The following RBFOX1 variants were observed in gnomAD, a reference collection of about 807,000 sequenced individuals.
RBFOX1 encodes the protein RNA binding protein fox-1 homolog 1.
In RBFOX1, 8 loss-of-function variants were observed where a neutral mutation model predicts 57.7. That is an observed-to-expected ratio of 0.14 (90% CI 0.08 to 0.25). The LOEUF (loss-of-function observed/expected upper bound fraction) is 0.25. Among genes scored for constraint, RBFOX1 ranks in the 10% least tolerant of loss-of-function variants. The pLI is 1.00. For synonymous variants in RBFOX1, 326 were observed against 222.4 expected (o/e 1.47, Z -4.15); for missense variants, 611 against 548.5 (o/e 1.11, Z -1.14).
chr16:7,000,867 G>C (rs978065037), intron 3 of RBFOX1, among the ~76,000 whole-genome samples: 4 of 152,002 alleles, frequency 2.6e-5, no homozygotes, highest in African/African-American at 9.7e-5. Flanking sequence ...CTCCCAAAGT[G>C]CTGGGATTAC....
At chr16:5,640,855 A>C (rs570341847) in intron 3 of RBFOX1, among the ~76,000 whole-genome samples, 4 of 129,954 alleles carry the variant, frequency 3.1e-5, no homozygotes, top group African/African-American at 8.3e-5. Flanking sequence ...ACACACACAC[A>C]CCATGGATAC....
At chr16:6,878,630 G>T (rs1174222478) in intron 3 of RBFOX1, among the ~76,000 whole-genome samples, 1 of 152,158 alleles carries the variant, frequency 6.6e-6, no homozygotes, top group African/African-American at 2.4e-5. Context: ...TGTTGTCAAG[G>T]AAAGTCACTG....
At chr16:5,633,463 T>G (rs970160060) in intron 3 of RBFOX1, among the ~76,000 whole-genome samples, 2 of 152,220 alleles carry the variant, frequency 1.3e-5, no homozygotes, top group African/African-American at 4.8e-5. Flanking sequence ...AACGACTCTC[T>G]ACCCAATATG....
chr16:6,817,137 C>T (rs938585285), intron 3 of RBFOX1, among the ~76,000 whole-genome samples: 1 of 152,144 alleles, frequency 6.6e-6, no homozygotes, highest in African/African-American at 2.4e-5. Flanking sequence ...TTTGACATGG[C>T]TGCAACCTGC....
chr16:5,738,753 C>A (rs1309013789), intron 3 of RBFOX1, among the ~76,000 whole-genome samples: 1 of 151,776 alleles, frequency 6.6e-6, no homozygotes, highest in African/African-American at 2.4e-5. Flanking sequence ...AGTGGGGGTG[C>A]ACAGCATGTG....
chr16:5,468,344 C>A (rs1567132036), intron 2 of RBFOX1, among the ~76,000 whole-genome samples: 1 of 152,148 alleles, frequency 6.6e-6, no homozygotes, highest in African/African-American at 2.4e-5. Context: ...GCAGTCTCCC[C>A]TGTTGTTCTC....
At chr16:6,168,459 A>G (rs1207937513) in intron 1 of RBFOX1, among the ~76,000 whole-genome samples, 1 of 152,166 alleles carries the variant, frequency 6.6e-6, no homozygotes, top group Non-Finnish European at 1.5e-5. Context: ...TTATATGCAG[A>G]CTTCTGAACT....
chr16:6,364,936 C>A (rs544982788), intron 2 of RBFOX1, among the ~76,000 whole-genome samples: 2 of 152,116 alleles, frequency 1.3e-5, no homozygotes, highest in Admixed American at 6.5e-5. Context: ...CAATTCAGAG[C>A]GCCCTACTTC....
intron 1 of RBFOX1, among the ~76,000 whole-genome samples, chr16:5,344,233 T>G (rs1238075532): frequency 6.6e-6 from 1 of 152,206 alleles, no homozygotes; most frequent in African/African-American, 2.4e-5. Context: ...TTGCCCTAGG[T>G]TTGGGTTCTC....
intron 4 of RBFOX1, among the ~76,000 whole-genome samples, chr16:7,168,281 T>A (rs2079976143): frequency 6.6e-6 from 1 of 152,002 alleles, no homozygotes; most frequent in Non-Finnish European, 1.5e-5. Context: ...GGTTTTCTTC[T>A]TCTCAGCATG....
Position 5,382,946 on chromosome 16 carries a change from C to T in RBFOX1, c.220-84270C>T, listed in dbSNP as rs537688962. On this transcript the variant is annotated intron_variant, in intron 1 of 2. Coordinates refer to the RBFOX1 transcript ENST00000585867. ...TAGAGGTGGGATTTGGGTTTCAGAC[C>T]CCAGTGTGCACACTCTGACTGCTTT... 3.3e-5 allele frequency among the ~76,000 whole-genome samples: 5 copies of T among 152,168 alleles called. No individual in the cohort carries two copies. The East Asian group carries it at 9.7e-4, about 29-fold the overall frequency.
chr16:6,566,085 G>A (rs1285618500), intron 2 of RBFOX1, among the ~76,000 whole-genome samples: 1 of 152,166 alleles, frequency 6.6e-6, no homozygotes, highest in Non-Finnish European at 1.5e-5. Context: ...TTCCTTCAAG[G>A]TGTTATCCCA....
chr16:7,338,633 A>G (rs2096837364), intron 4 of RBFOX1, among the ~76,000 whole-genome samples: 2 of 152,274 alleles, frequency 1.3e-5, no homozygotes, highest in South Asian at 4.2e-4. Flanking sequence ...TCTCAGACAC[A>G]CACACTGTAT....
At chr16:6,474,189 G>A (rs1467857968) in intron 2 of RBFOX1, among the ~76,000 whole-genome samples, 1 of 152,068 alleles carries the variant, frequency 6.6e-6, no homozygotes, top group African/African-American at 2.4e-5. Context: ...AAAGGATGGG[G>A]ACATCATAGT....
At chr16:5,979,243 G>C (rs1428803867) in intron 4 of RBFOX1, among the ~76,000 whole-genome samples, 2 of 152,146 alleles carry the variant, frequency 1.3e-5, no homozygotes, top group Admixed American at 1.3e-4. Flanking sequence ...CTGGAATGGA[G>C]GATTTTTTCT....
At chr16:5,291,457 G>A (rs2151174988) in intron 1 of RBFOX1, among the ~76,000 whole-genome samples, 1 of 152,168 alleles carries the variant, frequency 6.6e-6, no homozygotes, top group Non-Finnish European at 1.5e-5. Context: ...TGGAGACGGG[G>A]TTTCACCCTG....
At chr16:6,293,025 C>A (rs569653905) in intron 1 of RBFOX1, among the ~76,000 whole-genome samples, 1 of 152,274 alleles carries the variant, frequency 6.6e-6, no homozygotes, top group East Asian at 1.9e-4. Context: ...CTTTCCCCCA[C>A]CTGGAGGAAT....
chr16:6,639,107 CA>C (rs1246342549), intron 2 of RBFOX1, among the ~76,000 whole-genome samples: 1 of 152,202 alleles, frequency 6.6e-6, no homozygotes, highest in Non-Finnish European at 1.5e-5. Context: ...TGCAAACTGG[CA>C]GCTCATTTCT....
intron 1 of RBFOX1, among the ~76,000 whole-genome samples, chr16:6,044,032 A>C (rs1018486639): frequency 1.3e-5 from 2 of 152,156 alleles, no homozygotes; most frequent in African/African-American, 4.8e-5. Context: ...TGCTCTGCCT[A>C]CACCTTTGAA....
Sources: gnomAD v4.1 joint callset for allele counts (sites outside exome capture counted in the v4.1 genomes callset) on GRCh38, gnomAD v4.1.1 for gene constraint, MANE v1.5 for transcripts, NCBI Gene and HGNC (gene_info 2026-07-23, HGNC 2026-07-21) for gene names.